Variants in AKAP12 observed in about 807,000 individuals in gnomAD.
The protein encoded by AKAP12 is A-kinase anchor protein 12.
Under a neutral mutation model 79.9 loss-of-function variants are expected in AKAP12, and 32 were observed. The ratio of observed to expected loss-of-function variants is 0.40; its 90% confidence interval spans 0.30 to 0.54. The LOEUF (loss-of-function observed/expected upper bound fraction) is 0.54. AKAP12 is among the 20% of genes least tolerant of loss of function. The probability of loss-of-function intolerance (pLI) is 0.48; values close to 1 mark genes in which losing one functional copy is unlikely to be tolerated. For synonymous variants in AKAP12, 808 were observed against 857.0 expected (o/e 0.94, Z 1.00); for missense variants, 2,074 against 2,177.0 (o/e 0.95, Z 0.94).
intron 2 of AKAP12, among the ~76,000 whole-genome samples, chr6:151,264,280 A>G (rs574131045): frequency 2.5e-4 from 38 of 151,358 alleles, no homozygotes; most frequent in Non-Finnish European, 4.9e-4. Context: ...CTCTAAAACT[A>G]GTATGTTTAA....
At chr6:151,354,623 T>C (rs568186264) in intron 4 of AKAP12, among the ~76,000 whole-genome samples, 18 of 152,184 alleles carry the variant, frequency 1.2e-4, no homozygotes, top group East Asian at 5.8e-4. Flanking sequence ...CCGCCCGCCT[T>C]GGCCTCCCAA....
At position 151,240,581 on chromosome 6, in the gene AKAP12, A is replaced by C. The variant is rs1466255675; in HGVS notation, c.19A>C (p.Thr7Pro). Residue 7 changes from threonine to proline, a missense_variant, in exon 2 of 5, where the codon ACC (threonine) becomes CCC (proline). Around this residue, in one of 3 missense-constraint regions of AKAP12, gnomAD observed 1,428 missense variants for 1,451.0 expected, o/e 0.98. Coordinates refer to ENST00000402676, the MANE Select transcript of AKAP12 (RefSeq NM_005100.4). ...AGGAGCCATGGGCGCCGGGAGCTCC[A>C]CCGAGCAGCGCAGCCCGGAGCAGCC... MGAGSS[T>P]EQRSPEQPPE... 1 of 1,445,616 alleles carries C rather than the reference A, an allele frequency of 6.9e-7. No individual in the cohort carries two copies. Among genetic ancestry groups the C allele is most frequent in the Non-Finnish European group, 9.0e-7 (1 of 1,105,772 alleles). The allele number at this position is 1,445,616 out of a possible 1,614,324, so 89.5% of individuals were successfully genotyped here. A position where few individuals can be genotyped will look rare whatever the true frequency, so the allele number is the denominator to read the frequency against.
chr6:151,323,820 C>G (rs1484313217), intron 3 of AKAP12: 2 of 985,292 alleles, frequency 2.0e-6, no homozygotes, highest in Non-Finnish European at 2.4e-6. Flanking sequence ...AGGGCAGACT[C>G]GATTTCAGAA....
Position 151,349,445 on chromosome 6 carries a change from G to T in AKAP12, c.1054G>T (p.Ala352Ser). 1 of 1,607,130 alleles carries T rather than the reference G, an allele frequency of 6.2e-7. No homozygotes were observed. The highest frequency in any genetic ancestry group is 8.5e-7 in the Non-Finnish European group (1 of 1,178,192). ...KAEVASEKLT[A>S]SEQAHPQEPA... ...AGAGGTTGCCTCCGAGAAACTGACCGCCTCCGAGCAAGCCCACCCACAGGA... is the reference window on the plus strand; with the variant it reads ...AGAGGTTGCCTCCGAGAAACTGACCTCCTCCGAGCAAGCCCACCCACAGGA... The change falls in exon 4 of 5, where the codon GCC (alanine) becomes TCC (serine). Residue 352 changes from alanine (A) to serine (S), a missense_variant. Ala to Ser is a moderately conservative substitution (Grantham distance 99). Transcript: ENST00000402676.
chr6:151,265,228 T>G (rs1361627496), intron 2 of AKAP12, among the ~76,000 whole-genome samples: 1 of 147,928 alleles, frequency 6.8e-6, no homozygotes, highest in Non-Finnish European at 1.5e-5. Context: ...TTTTTTTTTT[T>G]GCAATAGCTT....
chr6:151,295,537 C>T (rs759896505), intron 2 of AKAP12, among the ~76,000 whole-genome samples: 8 of 152,160 alleles, frequency 5.3e-5, no homozygotes, highest in Non-Finnish European at 1.2e-4. Context: ...GTGCAGAAAC[C>T]GTTCCAGCCG....
chr6:151,240,807 CGCCGAGAGAACTTCCCA>C (rs1562702191), intron 2 of AKAP12, 83 bp downstream of exon 2: 1 of 975,680 alleles, frequency 1.0e-6, no homozygotes, highest in Non-Finnish European at 1.3e-6. Flanking sequence ...CTCCGATTTC[CGCCGAGAGAACTTCCCA>C]GCCCATCCAG....
intron 2 of AKAP12, among the ~76,000 whole-genome samples, chr6:151,282,644 A>T (rs1776432746): frequency 6.6e-6 from 1 of 152,212 alleles, no homozygotes; most frequent in African/African-American, 2.4e-5. Context: ...GAGGAGGGCC[A>T]GAATGGGGCT....
At chr6:151,262,762 AT>A (rs1375259212) in intron 2 of AKAP12, among the ~76,000 whole-genome samples, 1 of 152,082 alleles carries the variant, frequency 6.6e-6, no homozygotes, top group African/African-American at 2.4e-5. Context: ...GCTTTTTGTA[AT>A]TTTTATCACA....
At chr6:151,286,004 A>T (rs1197883972) in intron 2 of AKAP12, among the ~76,000 whole-genome samples, 2 of 151,964 alleles carry the variant, frequency 1.3e-5, no homozygotes, top group Admixed American at 6.6e-5. Context: ...CAGCCTCCCA[A>T]GTAGCTGAGA....
chr6:151,241,760 G>C (rs1344081721), intron 2 of AKAP12, among the ~76,000 whole-genome samples: 1 of 151,082 alleles, frequency 6.6e-6, no homozygotes, highest in Non-Finnish European at 1.5e-5. Flanking sequence ...AGTTAAATTT[G>C]CGGTATGTCA....
chr6:151,283,568 T>C (rs945548891), intron 2 of AKAP12, among the ~76,000 whole-genome samples: 5 of 152,224 alleles, frequency 3.3e-5, no homozygotes, highest in African/African-American at 1.2e-4. Context: ...CCTACGCGCT[T>C]GGTACACTTG....
intron 3 of AKAP12, chr6:151,319,520 C>CTA (rs1345138827): frequency 4.7e-5 from 4 of 84,282 alleles, no homozygotes; most frequent in South Asian, 4.2e-4. Context: ...AGATATATCT[C>CTA]TATATAGATA....
At chr6:151,278,976 A>C (rs537549247) in intron 2 of AKAP12, among the ~76,000 whole-genome samples, 7 of 152,330 alleles carry the variant, frequency 4.6e-5, no homozygotes, top group Admixed American at 1.3e-4. Flanking sequence ...GGTAGTATCT[A>C]GTTCTTAACT....
intron 2 of AKAP12, among the ~76,000 whole-genome samples, chr6:151,266,972 G>C (rs73782761): frequency 1.5e-5 from 2 of 134,640 alleles, no homozygotes; most frequent in Non-Finnish European, 3.0e-5. Flanking sequence ...AGCCGAGATC[G>C]CGCCACTGCA....
At chr6:151,348,018 A>G (rs1201260447) in intron 3 of AKAP12, among the ~76,000 whole-genome samples, 1 of 39,546 alleles carries the variant, frequency 2.5e-5, no homozygotes, top group African/African-American at 4.4e-5. Context: ...CTAAAAATAC[A>G]AAAAAAAAAA....
At chr6:151,323,640 T>C (rs1777455392) in intron 3 of AKAP12, 6 of 912,414 alleles carry the variant, frequency 6.6e-6, no homozygotes, top group Non-Finnish European at 7.9e-6. Context: ...TGAACAGCAG[T>C]ACAGTGACCT....
At chr6:151,241,106 CG>C (rs1259246459) in intron 2 of AKAP12, among the ~76,000 whole-genome samples, 3 of 152,212 alleles carry the variant, frequency 2.0e-5, no homozygotes, top group Non-Finnish European at 2.9e-5. Context: ...GACCCCGGGC[CG>C]GGCCTCCGGA....
chr6:151,350,094 C>T lies in AKAP12; in HGVS notation c.1703C>T (p.Ser568Leu), dbSNP rs755585362. The T allele has an allele frequency of 3.8e-5, 62 of 1,613,966 alleles. No homozygotes were observed. The highest frequency in any genetic ancestry group is 5.2e-5 in the Non-Finnish European group (61 of 1,180,020). The change falls in exon 4 of 5, where the codon TCA (serine) becomes TTA (leucine). Residue 568 changes from serine to leucine, a missense_variant. Ser to Leu is a moderately radical substitution (Grantham distance 145). This residue lies in a region of AKAP12 where 1,428 missense variants were observed against 1,451.0 expected (regional missense o/e 0.98). Transcript: ENST00000402676. The surrounding 1 kb of genome is among the most constrained non-coding windows in gnomAD (Gnocchi z 4.8). ...QEEQKGESSA[S>L]SPEEPEEITC... ...GAGCAAAAGGGCGAGAGCTCTGCCT[C>T]ATCCCCTGAGGAGCCCGAGGAGATC...
Sources: allele counts gnomAD v4.1 joint callset (sites outside exome capture counted in the v4.1 genomes callset), GRCh38; gene constraint gnomAD v4.1.1; regional missense constraint gnomAD v4.1.1; non-coding constraint Gnocchi (gnomAD v3.1); transcripts MANE v1.5; gene names NCBI Gene and HGNC (gene_info 2026-07-23, HGNC 2026-07-21).